Variants in DNAJA3 observed in about 807,000 individuals in gnomAD.
The protein encoded by DNAJA3 is DnaJ heat shock protein family (Hsp40) member A3.
DNAJA3 carries 29 observed loss-of-function variants against 54.9 expected under a neutral mutation model. The ratio of observed to expected loss-of-function variants is 0.53; its 90% confidence interval spans 0.39 to 0.72. The LOEUF (loss-of-function observed/expected upper bound fraction) is 0.72, where lower values mean the gene tolerates loss of function less well. Ranked by LOEUF, DNAJA3 falls within the 30% of genes least tolerant of loss-of-function variation. DNAJA3 has a pLI of 0.00. For missense variants in DNAJA3, 708 were observed against 639.4 expected (o/e 1.11, Z -1.16); for synonymous variants, 302 against 251.4 (o/e 1.20, Z -1.90).
At chr16:4,437,786 CAAAAAA>C (rs1209856777) in intron 3 of DNAJA3, among the ~76,000 whole-genome samples, 1 of 76,794 alleles carries the variant, frequency 1.3e-5, no homozygotes, top group African/African-American at 4.3e-5. Flanking sequence ...CACGTCTCTA[CAAAAAA>C]AAAAAAAAAA....
intron 1 of DNAJA3, among the ~76,000 whole-genome samples, chr16:4,432,802 C>T (rs1051369250): frequency 6.6e-6 from 1 of 151,810 alleles, no homozygotes; most frequent in African/African-American, 2.4e-5. Context: ...CACCACTGCA[C>T]GCCAGTCTGG....
chr16:4,452,301 G>T lies in DNAJA3; in HGVS notation c.1339+1804G>T, dbSNP rs371573501. ...CTCAAACCCTACAATCACATAACAT[G>T]CGAGATTGGTTCCATAGACAGCTGT... On this transcript the variant is annotated intron_variant, in intron 10 of 11. Coordinates refer to ENST00000262375, the MANE Select transcript of DNAJA3 (RefSeq NM_005147.6). 3.9e-5 allele frequency among the ~76,000 whole-genome samples: 6 copies of T among 152,188 alleles called. No homozygotes were observed. The South Asian group carries it at 1.2e-3, about 32-fold the overall frequency.
intron 10 of DNAJA3, among the ~76,000 whole-genome samples, chr16:4,451,549 G>A (rs1016413402): frequency 3.9e-5 from 6 of 151,944 alleles, no homozygotes; most frequent in Admixed American, 3.3e-4. Flanking sequence ...TTGAAGTCAG[G>A]AGTTTGAGAC....
intron 2 of DNAJA3, 71 bp from the exon 3 acceptor site, chr16:4,437,331 G>A (rs2056783492): frequency 6.3e-6 from 8 of 1,276,230 alleles, no homozygotes; most frequent in Non-Finnish European, 6.8e-6. Flanking sequence ...CTGTTGTATC[G>A]GGGGTTTTGT....
intron 6 of DNAJA3, among the ~76,000 whole-genome samples, chr16:4,444,209 T>C (rs1428934913): frequency 1.3e-5 from 2 of 152,186 alleles, no homozygotes; most frequent in African/African-American, 4.8e-5. Context: ...ATGTGCCTCT[T>C]AGATAATGAC....
At chr16:4,450,534 G>T (rs761637801) in intron 10 of DNAJA3, 37 bp downstream of exon 10, 64 of 1,515,704 alleles carry the variant, frequency 4.2e-5, no homozygotes, top group Non-Finnish European at 5.7e-5. Flanking sequence ...ACACGTGGGG[G>T]CCTCAGAGCC....
intron 10 of DNAJA3, among the ~76,000 whole-genome samples, chr16:4,453,863 C>T (rs1003433903): frequency 6.6e-6 from 1 of 152,218 alleles, no homozygotes; most frequent in African/African-American, 2.4e-5. Flanking sequence ...GGCCTTTACT[C>T]TTTTATGCAC....
intron 5 of DNAJA3, 87 bp downstream of exon 5, chr16:4,442,507 T>C: frequency 7.1e-7 from 1 of 1,401,044 alleles, no homozygotes; most frequent in Non-Finnish European, 9.5e-7. Flanking sequence ...AGAGAACGTA[T>C]GCTGGGAATT....
intron 1 of DNAJA3, among the ~76,000 whole-genome samples, chr16:4,429,741 G>A (rs1235227213): frequency 2.0e-5 from 3 of 152,258 alleles, no homozygotes; most frequent in African/African-American, 4.8e-5. Context: ...GGCTGGGGCA[G>A]GAGAATTGCT....
At chr16:4,445,058 G>A (rs1337218240) in intron 7 of DNAJA3, among the ~76,000 whole-genome samples, 1 of 152,202 alleles carries the variant, frequency 6.6e-6, no homozygotes, top group East Asian at 1.9e-4. Flanking sequence ...ACTGTATACA[G>A]GGGCAAACCT....
chr16:4,429,886 G>C (rs1425669230), intron 1 of DNAJA3, among the ~76,000 whole-genome samples: 1 of 151,850 alleles, frequency 6.6e-6, no homozygotes, highest in Non-Finnish European at 1.5e-5. Flanking sequence ...ACTCCCAGCT[G>C]CTTGGGAGGC....
At chr16:4,450,183 TTAAATGACTTAGTG>T (rs1420613735) in intron 9 of DNAJA3, 1 of 487,126 alleles carries the variant, frequency 2.1e-6, no homozygotes, top group Non-Finnish European at 3.6e-6. Flanking sequence ...TGACACTTGT[TTAAATGACTTAGTG>T]TAGGGTGTTT....
Position 4,450,513 on chromosome 16 carries a change from A to T in DNAJA3, c.1339+16A>T. On this transcript the variant is annotated intron_variant, in intron 10 of 11. Transcript: ENST00000262375. ...ACCAGCTCTGGTAAGGAGTCTGAAG[A>T]CTACATGGTGACACGTGGGGGCCTC... The T allele has an allele frequency of 6.3e-7, 1 of 1,591,348 alleles. No homozygotes were observed. The highest frequency in any genetic ancestry group is 8.6e-7 in the Non-Finnish European group (1 of 1,167,596).
rs1361083042 is a variant in DNAJA3 at position 4,434,418 on chromosome 16, C to T, written c.246C>T (p.Ser82=). The change falls in exon 2 of 12, where the codon TCC becomes TCT. Residue 82 remains serine (S), a synonymous_variant. Coordinates refer to ENST00000262375, the MANE Select transcript of DNAJA3 (RefSeq NM_005147.6). ...TKHNPFICTA[S]FHTSAPLAKE... ...ATAACCCTTTCATTTGTACTGCCTC[C>T]TTCCACACGAGTGCCCCTTTGGCCA... 2 of 1,613,572 alleles carry T rather than the reference C, an allele frequency of 1.2e-6. No individual in the cohort carries two copies. The highest frequency in any genetic ancestry group is 1.1e-5 in the South Asian group (1 of 90,940).
intron 3 of DNAJA3, among the ~76,000 whole-genome samples, chr16:4,438,086 G>T (rs929371363): frequency 2.0e-5 from 3 of 152,156 alleles, no homozygotes; most frequent in African/African-American, 7.2e-5. Context: ...GGAGGCCGAG[G>T]CAGGTGGATC....
At position 4,454,927 on chromosome 16, in the gene DNAJA3, G is replaced by C. The variant is rs202163191; in HGVS notation, c.*13G>C. On this transcript the variant is annotated splice_region_variant and 3_prime_UTR_variant, in exon 11 of 12. Coordinates refer to ENST00000262375, the MANE Select transcript of DNAJA3 (RefSeq NM_005147.6). ...GTTTACCTCATGATATCCCAGCCGAGGTAGGAAAACCCTGGAGGTTTTTTT... is the reference window on the plus strand; with the variant it reads ...GTTTACCTCATGATATCCCAGCCGACGTAGGAAAACCCTGGAGGTTTTTTT... The C allele has an allele frequency of 1.9e-5, 30 of 1,603,418 alleles. No individual in the cohort carries two copies. The highest frequency in any genetic ancestry group is 2.5e-5 in the Non-Finnish European group (29 of 1,171,438).
chr16:4,430,028 AAGCCATGTGGTGGCG>A (rs1178077225), intron 1 of DNAJA3, among the ~76,000 whole-genome samples: 1 of 151,720 alleles, frequency 6.6e-6, no homozygotes, highest in Non-Finnish European at 1.5e-5. Flanking sequence ...ATCAACTGAG[AAGCCATGTGGTGGCG>A]AGCCTCTATA....
intron 10 of DNAJA3, 152 bp downstream of exon 10, chr16:4,450,649 A>G (rs747527994): frequency 6.3e-5 from 39 of 621,266 alleles, no homozygotes; most frequent in Non-Finnish European, 1.0e-4. Flanking sequence ...GTGGGCGGGG[A>G]CAGCGGGCAG....
intron 10 of DNAJA3, among the ~76,000 whole-genome samples, chr16:4,450,744 C>T (rs1437012025): frequency 1.3e-5 from 2 of 152,226 alleles, no homozygotes; most frequent in South Asian, 2.1e-4. Flanking sequence ...GCACTTCCTG[C>T]AGGCAGCTCT....
Sources: allele counts gnomAD v4.1 joint callset (sites outside exome capture counted in the v4.1 genomes callset), GRCh38; gene constraint gnomAD v4.1.1; transcripts MANE v1.5; gene names NCBI Gene and HGNC (gene_info 2026-07-23, HGNC 2026-07-21).